EIF4B: variants seen among roughly 807,000 people sequenced by gnomAD.
The protein encoded by EIF4B is eukaryotic translation initiation factor 4B.
In EIF4B, 8 loss-of-function variants were observed where a neutral mutation model predicts 79.3. That is an observed-to-expected ratio of 0.10 (90% confidence interval 0.06 to 0.18). The LOEUF (loss-of-function observed/expected upper bound fraction) is 0.18. Ranked by LOEUF, EIF4B falls within the 10% of genes least tolerant of loss-of-function variation. The pLI is 1.00. For missense variants in EIF4B, 515 were observed against 792.4 expected, an observed-to-expected ratio of 0.65 and a Z score of 4.20; for synonymous variants, 238 against 274.7, an observed-to-expected ratio of 0.87 and a Z score of 1.32.
intron 6 of EIF4B, among the ~76,000 whole-genome samples, chr12:53,027,298 T>TA (rs1263189244): frequency 6.6e-6 from 1 of 151,556 alleles, no homozygotes; most frequent in African/African-American, 2.4e-5. Context: ...CACGCCCAGC[T>TA]AATTTTTGTA....
rs766750338 is a variant in EIF4B at position 53,019,019 on chromosome 12, G to A, written c.360+13G>A. 2.5e-6 allele frequency: 4 copies of A among 1,612,256 alleles called. No homozygotes were observed. In the South Asian group the frequency reaches 3.3e-5, roughly 13 times the overall value. On this transcript the variant is annotated intron_variant, in intron 3 of 14. Coordinates refer to ENST00000262056, the MANE Select transcript of EIF4B (RefSeq NM_001417.7). ...TCGAGGATTAAATGTAAGTGTAAAA[G>A]TTGTAATAATTAACTAGATATTGAG...
chr12:53,026,902 C>T (rs1247867491), intron 6 of EIF4B, among the ~76,000 whole-genome samples: 1 of 152,220 alleles, frequency 6.6e-6, no homozygotes, highest in East Asian at 1.9e-4. Flanking sequence ...ATCAGCAGTG[C>T]AGAAATTGAT....
intron 1 of EIF4B, among the ~76,000 whole-genome samples, chr12:53,009,831 A>G (rs1592212075): frequency 6.6e-6 from 1 of 152,276 alleles, no homozygotes; most frequent in African/African-American, 2.4e-5. Context: ...AATAGTGTCA[A>G]TTAAGATAAA....
intron 12 of EIF4B, chr12:53,039,032 T>C (rs1430841976): frequency 1.9e-5 from 9 of 473,596 alleles, no homozygotes; most frequent in Non-Finnish European, 2.2e-5. Flanking sequence ...CATGGAACTT[T>C]TTAGTGGATT....
chr12:53,038,169 C>G (rs1483097796), intron 11 of EIF4B, 187 bp from the exon 12 acceptor site: 1 of 467,688 alleles, frequency 2.1e-6, no homozygotes, highest in African/African-American at 2.0e-5. Flanking sequence ...GATTAGAAAG[C>G]ATATGGCACT....
intron 1 of EIF4B, among the ~76,000 whole-genome samples, chr12:53,011,130 GGTGGCATGTACCT>G: frequency 6.6e-6 from 1 of 151,946 alleles, no homozygotes. Context: ...AGCCAGGGGT[GGTGGCATGTACCT>G]GTGGTCCCAG....
chr12:53,022,744 T>C, intron 6 of EIF4B, 117 bp downstream of exon 6: 2 of 1,306,002 alleles, frequency 1.5e-6, no homozygotes, highest in East Asian at 2.7e-5. Flanking sequence ...GAAAGCAGAT[T>C]AAGAAAAATT....
rs1943363149 is a variant in EIF4B at position 53,027,823 on chromosome 12, T to C, written c.709T>C (p.Tyr237His). ...TGATTCAGACCGGTATCGGGATGGG[T>C]ATCGGGATGGGTATCGGGATGGCCC... ...RYDSDRYRDGYRDGYRDGPRR... is the reference protein window; with the variant it reads ...RYDSDRYRDGHRDGYRDGPRR... Residue 237 changes from tyrosine to histidine, a missense_variant, in exon 7 of 15, where the codon TAT becomes CAT. Around this residue, in one of 6 missense-constraint regions of EIF4B, gnomAD observed 187 missense variants for 256.5 expected, o/e 0.73. Transcript: ENST00000262056. 6.2e-7 allele frequency: 1 copy of C among 1,612,246 alleles called. No individual in the cohort carries two copies. Among genetic ancestry groups the C allele is most frequent in the African/African-American group, 1.3e-5 (1 of 75,058 alleles).
intron 6 of EIF4B, among the ~76,000 whole-genome samples, chr12:53,025,560 T>A (rs1386249397): frequency 6.6e-6 from 1 of 152,206 alleles, no homozygotes; most frequent in African/African-American, 2.4e-5. Context: ...CACAAGCTTA[T>A]CATAATTTCA....
chr12:53,027,692 A>G (rs1943360241), intron 6 of EIF4B, 90 bp from the exon 7 acceptor site: 2 of 1,459,978 alleles, frequency 1.4e-6, no homozygotes, highest in Non-Finnish European at 1.8e-6. Context: ...TTAAATAAAC[A>G]GATTCTTCCA....
intron 11 of EIF4B, 153 bp from the exon 12 acceptor site, chr12:53,038,203 A>G: frequency 1.7e-6 from 1 of 578,682 alleles, no homozygotes; most frequent in Non-Finnish European, 2.9e-6. Context: ...TACTGCTTTC[A>G]TTGTAATCTT....
intron 6 of EIF4B, among the ~76,000 whole-genome samples, chr12:53,024,131 TATC>T (rs1172497049): frequency 3.9e-5 from 6 of 152,138 alleles, no homozygotes; most frequent in African/African-American, 7.2e-5. Flanking sequence ...GAGTGGGAAA[TATC>T]ATGGGGTAGG....
At position 53,041,876 on chromosome 12, in the gene EIF4B, G is replaced by C. The variant is rs1023622720; in HGVS notation, c.*1653G>C. 8.5e-5 allele frequency: 13 copies of C among 152,152 alleles called. No homozygotes were observed. Among genetic ancestry groups the C allele is most frequent in the African/African-American group, 2.7e-4 (11 of 41,370 alleles). 9.4% of individuals were successfully genotyped at this position (152,152 alleles called of 1,614,324 possible). ...TTTAAAGAGTATTGAAGATTGAAAG[G>C]GTTTTTCTTTCTTTTTTAAAAAAGA... On this transcript the variant is annotated 3_prime_UTR_variant, in exon 15 of 15. Transcript: ENST00000262056.
intron 4 of EIF4B, among the ~76,000 whole-genome samples, chr12:53,021,560 T>C (rs1010488019): frequency 5.3e-5 from 8 of 152,258 alleles, no homozygotes; most frequent in African/African-American, 1.4e-4. Flanking sequence ...TTAATTCTAT[T>C]CTGTGAAATT....
At chr12:53,009,891 A>G (rs1245566739) in intron 1 of EIF4B, among the ~76,000 whole-genome samples, 2 of 152,260 alleles carry the variant, frequency 1.3e-5, no homozygotes, top group African/African-American at 2.4e-5. Context: ...TTTCATCTCA[A>G]AACATTCTGG....
At chr12:53,037,281 G>T (rs771419715) in intron 10 of EIF4B, 128 bp from the exon 11 acceptor site, 1 of 985,880 alleles carries the variant, frequency 1.0e-6, no homozygotes, top group Non-Finnish European at 1.5e-6. Context: ...TAAACCACTG[G>T]TTTAGGGATA....
intron 11 of EIF4B, 156 bp downstream of exon 11, chr12:53,037,778 C>T: frequency 1.3e-6 from 1 of 779,848 alleles, no homozygotes; most frequent in Admixed American, 3.0e-5. Context: ...CTCATAAGAC[C>T]TAGTTGTTCC....
chr12:53,018,672 A>G, intron 2 of EIF4B, 126 bp from the exon 3 acceptor site: 1 of 1,002,912 alleles, frequency 1.0e-6, no homozygotes, highest in South Asian at 1.6e-5. Context: ...CTGAACCCCC[A>G]CTTTTTTTGG....
In EIF4B at chr12:53,034,595, G is replaced by A; in HGVS notation, c.1209-17G>A. The stretch of plus-strand genomic sequence containing the variant: ...CTGAGCCAGGCATAATGTGTATTTT[G>A]TGAATCTCTCGTACAGACACCCAAG... On this transcript the variant is annotated splice_polypyrimidine_tract_variant and intron_variant, in intron 9 of 14. Coordinates refer to ENST00000262056, the MANE Select transcript of EIF4B (RefSeq NM_001417.7). The A allele has an allele frequency of 6.2e-7, 1 of 1,613,842 alleles. No homozygotes were observed. Among genetic ancestry groups the A allele is most frequent in the Non-Finnish European group, 8.5e-7 (1 of 1,179,804 alleles).
Sources: gnomAD v4.1 joint callset for allele counts (sites outside exome capture counted in the v4.1 genomes callset) on GRCh38, gnomAD v4.1.1 for gene constraint, gnomAD v4.1.1 regional missense constraint, MANE v1.5 for transcripts, NCBI Gene and HGNC (gene_info 2026-07-23, HGNC 2026-07-21) for gene names.